Variants in NECAB3 observed in about 807,000 individuals in gnomAD.
NECAB3 encodes N-terminal EF-hand calcium binding protein 3, also known as N-terminal EF-hand calcium-binding protein 3.
NECAB3 carries 38 observed loss-of-function variants against 57.2 expected under a neutral mutation model. The ratio of observed to expected loss-of-function variants is 0.66; its 90% CI spans 0.51 to 0.87. NECAB3 has a LOEUF of 0.87. Among genes scored for constraint, NECAB3 ranks in the 40% least tolerant of loss-of-function variants. The pLI, the probability that NECAB3 is intolerant of heterozygous loss-of-function variation, is 0.00. For synonymous variants in NECAB3, 223 were observed against 222.6 expected (o/e 1.00, Z -0.02); for missense variants, 474 against 527.5 (o/e 0.90, Z 0.99).
At chr20:33,673,979 GAC>G (rs1357517211) in intron 1 of NECAB3, among the ~76,000 whole-genome samples, 1 of 152,060 alleles carries the variant, frequency 6.6e-6, no homozygotes, top group African/African-American at 2.4e-5. Context: ...GCCAACACCA[GAC>G]ACACAAATGG....
intron 1 of NECAB3, among the ~76,000 whole-genome samples, chr20:33,673,627 G>A (rs1218099854): frequency 6.6e-6 from 1 of 152,172 alleles, no homozygotes; most frequent in Non-Finnish European, 1.5e-5. Flanking sequence ...GGGGCAGTGG[G>A]GAGGGGGTGG....
chr20:33,673,558 GGAA>G (rs753515486), intron 1 of NECAB3, among the ~76,000 whole-genome samples: 12 of 152,142 alleles, frequency 7.9e-5, no homozygotes, highest in Non-Finnish European at 1.3e-4. Context: ...TTCCTACTTG[GGAA>G]GAAGGAGGGT....
chr20:33,668,250 G>C (rs1416806498), intron 5 of NECAB3: 11 of 1,562,590 alleles, frequency 7.0e-6, no homozygotes, highest in African/African-American at 2.7e-5. Flanking sequence ...GGCTGGACTG[G>C]GGGGGGTGGC....
At position 33,672,441 on chromosome 20, in the gene NECAB3, TAGAG is replaced by T. The variant is rs781489286; in HGVS notation, c.130-23_130-20del. The T allele has an allele frequency of 8.1e-6, 13 of 1,613,892 alleles. No homozygotes were observed. Among genetic ancestry groups the T allele is most frequent in the South Asian group, 2.2e-5 (2 of 91,088 alleles). ...GGAAAACCTAGAGGACAAAGGGACA[TAGAG>T]AGAACTGTGAGTGCCACCTGGGAAG... On this transcript the variant is annotated intron_variant, in intron 1 of 11. Transcript: ENST00000246190.
intron 3 of NECAB3, chr20:33,670,450 C>T: frequency 2.3e-6 from 1 of 438,122 alleles, no homozygotes; most frequent in Non-Finnish European, 4.1e-6. Flanking sequence ...GGGAGCTGAG[C>T]CATGGGTGGT....
At chr20:33,671,176 C>CCT (rs2017820888) in intron 2 of NECAB3, among the ~76,000 whole-genome samples, 1 of 152,194 alleles carries the variant, frequency 6.6e-6, no homozygotes, top group Non-Finnish European at 1.5e-5. Context: ...GCACAAGGAA[C>CCT]CTCCATTCTC....
At position 33,660,040 on chromosome 20, in the gene NECAB3, G is replaced by A; in HGVS notation, c.525-37C>T. The A allele has an allele frequency of 6.4e-7, 1 of 1,559,354 alleles. No individual in the cohort carries two copies. Among genetic ancestry groups the A allele is most frequent in the Non-Finnish European group, 8.7e-7 (1 of 1,152,598 alleles). On this transcript the variant is annotated intron_variant, in intron 6 of 11. Transcript: ENST00000246190. This position sits in a 1 kb window ranked among gnomAD's most constrained non-coding sequence, Gnocchi z 4.1. Reference sequence around the variant, plus strand: ...GAGGCTCACAGGGCCGAGGACTGGGGCCCCAGGACGGGATAAGCCTGGGTG... The same window carrying A: ...GAGGCTCACAGGGCCGAGGACTGGGACCCCAGGACGGGATAAGCCTGGGTG...
rs377342847 is a variant in NECAB3 at position 33,670,704 on chromosome 20, G to A, written c.243C>T (p.Gly81=). Reference sequence around the variant, plus strand: ...CTCACTCGGTGAGATGCCCATCAATGCCGCTGAACAGTTCCTGCAGCTCCC... The same window carrying A: ...CTCACTCGGTGAGATGCCCATCAATACCGCTGAACAGTTCCTGCAGCTCCC... ...SLGELQELFS[G]IDGHLTDNLE... The change falls in exon 3 of 12, where the codon GGC becomes GGT. Residue 81 remains glycine, a synonymous_variant. Coordinates refer to ENST00000246190, the MANE Select transcript of NECAB3 (RefSeq NM_031232.4). 6.2e-5 allele frequency: 100 copies of A among 1,613,638 alleles called. No homozygotes were observed. Among genetic ancestry groups the A allele is most frequent in the Non-Finnish European group, 7.9e-5 (93 of 1,179,780 alleles).
At chr20:33,667,976 C>A (rs2017728864) in intron 5 of NECAB3, 1 of 1,549,160 alleles carries the variant, frequency 6.5e-7, no homozygotes, top group Non-Finnish European at 8.7e-7. Context: ...ACACGCCTGG[C>A]AGACACCGTG....
At chr20:33,674,987 G>C (rs1027222886), upstream of NECAB3, among the ~76,000 whole-genome samples, 5 of 151,982 alleles carry the variant, frequency 3.3e-5, no homozygotes, top group African/African-American at 1.2e-4. Context: ...GTGTCACTTC[G>C]GTCTCCAGTG....
chr20:33,658,853 G>A lies in NECAB3; in HGVS notation c.880-19C>T, dbSNP rs750105655. The A allele has an allele frequency of 3.1e-5, 50 of 1,593,934 alleles. No homozygotes were observed. Among genetic ancestry groups the A allele is most frequent in the South Asian group, 1.4e-4 (13 of 90,336 alleles). ...GGATGTGCTGGTGGGAGAGGCAGCC[G>A]GTCAGCTGGTGCGGGGCCGGGCACA... On this transcript the variant is annotated intron_variant, in intron 8 of 11. Transcript: ENST00000246190.
At chr20:33,658,683 C>T (rs530868433) in intron 9 of NECAB3, 39 bp downstream of exon 9, 4 of 1,603,984 alleles carry the variant, frequency 2.5e-6, no homozygotes, top group South Asian at 1.1e-5. Context: ...TGCTCACCCC[C>T]TCCCCACTGG....
At chr20:33,666,827 C>T (rs1487353600) in intron 5 of NECAB3, 2 of 152,344 alleles carry the variant, frequency 1.3e-5, no homozygotes, top group Non-Finnish European at 1.5e-5. Flanking sequence ...GGCCTCAGGC[C>T]TAGGAACTAG....
intron 1 of NECAB3, among the ~76,000 whole-genome samples, chr20:33,672,641 C>A (rs1437903357): frequency 2.6e-5 from 4 of 152,218 alleles, no homozygotes; most frequent in Non-Finnish European, 5.9e-5. Context: ...CCTCTGCTCA[C>A]TTCTCCTGCA....
intron 5 of NECAB3, chr20:33,663,586 G>A (rs557286657): frequency 1.2e-6 from 2 of 1,611,412 alleles, no homozygotes; most frequent in African/African-American, 2.7e-5. Context: ...GGCCAACGCT[G>A]GGCAACGGAT....
intron 5 of NECAB3, chr20:33,662,408 G>A (rs1350665665): frequency 5.2e-6 from 8 of 1,551,502 alleles, no homozygotes; most frequent in African/African-American, 2.7e-5. Flanking sequence ...AGGAGAGGCC[G>A]GCTGACATGG....
intron 5 of NECAB3, chr20:33,668,056 T>G (rs1436344911): frequency 6.4e-7 from 1 of 1,563,924 alleles, no homozygotes; most frequent in Non-Finnish European, 8.7e-7. Context: ...GGAGGCGCAG[T>G]GCCGGCGGCA....
chr20:33,661,527 C>T (rs1405381196), intron 5 of NECAB3, among the ~76,000 whole-genome samples: 1 of 152,200 alleles, frequency 6.6e-6, no homozygotes, highest in East Asian at 1.9e-4. Flanking sequence ...GTTTCTATCT[C>T]CATGAAATCT....
At chr20:33,667,334 G>C in intron 5 of NECAB3, 1 of 913,450 alleles carries the variant, frequency 1.1e-6, no homozygotes, top group Non-Finnish European at 1.5e-6. Flanking sequence ...GTGGCGGACT[G>C]GGAGGCGCTG....
Sources: allele counts gnomAD v4.1 joint callset (sites outside exome capture counted in the v4.1 genomes callset), GRCh38; gene constraint gnomAD v4.1.1; non-coding constraint Gnocchi (gnomAD v3.1); transcripts MANE v1.5; gene names NCBI Gene and HGNC (gene_info 2026-07-23, HGNC 2026-07-21).